ARHGEF37: variants seen among roughly 807,000 people sequenced by gnomAD.
ARHGEF37 encodes the protein Rho guanine nucleotide exchange factor 37.
Under a neutral mutation model 71.1 loss-of-function variants are expected in ARHGEF37, and 55 were observed. That is an observed-to-expected ratio of 0.77 (90% CI 0.62 to 0.97). ARHGEF37 has a LOEUF of 0.97. ARHGEF37 is among the 50% of genes least tolerant of loss of function. ARHGEF37 has a pLI of 0.00. For missense variants in ARHGEF37, 765 were observed against 836.8 expected, an observed-to-expected ratio of 0.91 and a Z score of 1.06; for synonymous variants, 327 against 350.6, an observed-to-expected ratio of 0.93 and a Z score of 0.75.
At position 149,632,378 on chromosome 5, in the gene ARHGEF37, A is replaced by T. The variant is rs1368923873; in HGVS notation, c.*187A>T. On this transcript the variant is annotated 3_prime_UTR_variant, in exon 13 of 13. Coordinates refer to ENST00000333677, the MANE Select transcript of ARHGEF37 (RefSeq NM_001001669.3). Reference sequence around the variant, plus strand: ...GCAGAGTGCTTGGTGTGGTGGGGGCACAGGAGGCTCCAGCCAGGACTGCTC... The same window carrying T: ...GCAGAGTGCTTGGTGTGGTGGGGGCTCAGGAGGCTCCAGCCAGGACTGCTC... 2 of 637,370 alleles carry T rather than the reference A, an allele frequency of 3.1e-6. No individual in the cohort carries two copies. Among genetic ancestry groups the T allele is most frequent in the East Asian group, 5.5e-5 (2 of 36,244 alleles). 39.5% of individuals were successfully genotyped at this position (637,370 alleles called of 1,614,324 possible). A position where few individuals can be genotyped will look rare whatever the true frequency, so the allele number is the denominator to read the frequency against.
chr5:149,591,541 G>C (rs1024367550), intron 1 of ARHGEF37, among the ~76,000 whole-genome samples: 1 of 152,132 alleles, frequency 6.6e-6, no homozygotes, highest in Non-Finnish European at 1.5e-5. Flanking sequence ...GAGACCATTT[G>C]CCTGGCTTCT....
intron 1 of ARHGEF37, among the ~76,000 whole-genome samples, chr5:149,594,398 G>A (rs868618331): frequency 1.3e-5 from 2 of 152,236 alleles, no homozygotes; most frequent in South Asian, 4.1e-4. Flanking sequence ...AGATCACGGG[G>A]TGTGTTTGGG....
Position 149,618,935 on chromosome 5 carries a change from C to G in ARHGEF37, c.790-3C>G. The G allele has an allele frequency of 6.2e-7, 1 of 1,611,934 alleles. No individual in the cohort carries two copies. The highest frequency in any genetic ancestry group is 8.5e-7 in the Non-Finnish European group (1 of 1,178,048). On this transcript the variant is annotated splice_polypyrimidine_tract_variant and splice_region_variant and intron_variant, in intron 6 of 12. Transcript: ENST00000333677. Reference sequence around the variant, plus strand: ...TCTCAACCCTCACACACATTACTTTCAGACAGAAGACAAGGAATTTGATGA... The same window carrying G: ...TCTCAACCCTCACACACATTACTTTGAGACAGAAGACAAGGAATTTGATGA...
upstream of ARHGEF37, among the ~76,000 whole-genome samples, chr5:149,580,830 G>A (rs1274735707): frequency 6.6e-6 from 1 of 152,196 alleles, no homozygotes; most frequent in Non-Finnish European, 1.5e-5. Flanking sequence ...CTACAAACAA[G>A]GTTTGGTTGC....
intron 11 of ARHGEF37, 141 bp from the exon 12 acceptor site, chr5:149,628,668 T>A: frequency 8.9e-7 from 1 of 1,128,872 alleles, no homozygotes; most frequent in Non-Finnish European, 1.2e-6. Flanking sequence ...GGCAGGGGGG[T>A]TCAGGGTTCC....
chr5:149,629,994 G>C (rs1752830894), intron 12 of ARHGEF37, among the ~76,000 whole-genome samples: 1 of 150,162 alleles, frequency 6.7e-6, no homozygotes. Flanking sequence ...CAAATCCGTA[G>C]AGATAGAAGG....
chr5:149,553,327 G>A (rs12188428), intron 1 of ARHGEF37, among the ~76,000 whole-genome samples: 20,370 of 152,034 alleles, frequency 0.13, 1,498 homozygotes, highest in Non-Finnish European at 0.17. Flanking sequence ...TTGAACCTGG[G>A]AGGCAGAGGT....
intron 1 of ARHGEF37, among the ~76,000 whole-genome samples, chr5:149,570,491 G>A (rs189641458): frequency 0.026 from 3,906 of 150,850 alleles, 192 homozygotes; most frequent in African/African-American, 0.091. Context: ...CAGGAGAATC[G>A]CTTGAACCCA....
upstream of ARHGEF37, among the ~76,000 whole-genome samples, chr5:149,577,997 G>A (rs748235410): frequency 6.6e-6 from 1 of 152,218 alleles, no homozygotes; most frequent in Non-Finnish European, 1.5e-5. Flanking sequence ...GTGATCTATG[G>A]CATCCAGTCC....
chr5:149,590,157 GC>G (rs1275212299), intron 1 of ARHGEF37, among the ~76,000 whole-genome samples: 1 of 151,874 alleles, frequency 6.6e-6, no homozygotes, highest in African/African-American at 2.4e-5. Context: ...ATGTGGGAAT[GC>G]CCAAATCCCT....
chr5:149,609,689 C>T lies in ARHGEF37; in HGVS notation c.452C>T (p.Ala151Val), dbSNP rs367808249. 260 of 1,612,288 alleles carry T rather than the reference C, an allele frequency of 1.6e-4. 5 individuals are homozygous for T. Among genetic ancestry groups the T allele is most frequent in the South Asian group, 1.3e-3 (122 of 90,992 alleles). The change falls in exon 4 of 13, where the codon GCG becomes GTG. Residue 151 changes from alanine (A) to valine (V), a missense_variant. This residue lies in a region of ARHGEF37 where 201 missense variants were observed against 217.5 expected (regional missense o/e 0.92). Coordinates refer to ENST00000333677, the MANE Select transcript of ARHGEF37 (RefSeq NM_001001669.3). ...CGGCACATCCAGGGCATCGTTGAGG[C>T]GGTGGTGTGAGTAGAACGGCCAGTG... ...LQRHIQGIVE[A>V]VVPQAGSSGL... is the part of the protein sequence containing the mutation.
At chr5:149,603,485 A>G (rs1256408334) in intron 3 of ARHGEF37, among the ~76,000 whole-genome samples, 1 of 152,188 alleles carries the variant, frequency 6.6e-6, no homozygotes, top group Non-Finnish European at 1.5e-5. Flanking sequence ...TAACTGCTAC[A>G]CTGAATTGCT....
In ARHGEF37 at chr5:149,628,297, G is replaced by C. The variant is rs77848381; in HGVS notation, c.1661-512G>C. On this transcript the variant is annotated intron_variant, in intron 11 of 12. Transcript: ENST00000333677. ...AGAGGTGATGTGAAGACTATGTAATGAAATGCTTGCTCTGTAGTTTGGCAC... is the reference window on the plus strand; with the variant it reads ...AGAGGTGATGTGAAGACTATGTAATCAAATGCTTGCTCTGTAGTTTGGCAC... Among the ~76,000 whole-genome samples the C allele has an allele frequency of 0.014, 2,180 of 152,314 alleles. 192 individuals carry two copies. In the East Asian group the frequency reaches 0.26, roughly 18 times the overall value.
rs896536208 is a variant in ARHGEF37, at chr5:149,633,656, G to A, written c.*1465G>A. 1 of 152,238 alleles carries A rather than the reference G, an allele frequency of 6.6e-6. No individual in the cohort carries two copies. Among genetic ancestry groups the A allele is most frequent in the Non-Finnish European group, 1.5e-5 (1 of 68,038 alleles). The allele number at this position is 152,238 out of a possible 1,614,324, so 9.4% of individuals were successfully genotyped here. ...GTGATCTTAACAACTGACAAAGTTT[G>A]TAACCAACCCAAGTTAGAATGTGTG... On this transcript the variant is annotated 3_prime_UTR_variant, in exon 13 of 13. Coordinates refer to ENST00000333677, the MANE Select transcript of ARHGEF37 (RefSeq NM_001001669.3).
At chr5:149,598,122 G>A (rs901746711) in intron 2 of ARHGEF37, among the ~76,000 whole-genome samples, 167 bp downstream of exon 2, 10 of 152,122 alleles carry the variant, frequency 6.6e-5, no homozygotes, top group African/African-American at 1.9e-4. Flanking sequence ...TTCCTTGGCC[G>A]TGCAACCTCC....
At chr5:149,560,078 A>G (rs907484289) in intron 1 of ARHGEF37, among the ~76,000 whole-genome samples, 1 of 152,206 alleles carries the variant, frequency 6.6e-6, no homozygotes, top group African/African-American at 2.4e-5. Context: ...CAGTGAGCCA[A>G]GTATGAGAAA....
At position 149,632,096 on chromosome 5, in the gene ARHGEF37, CT is replaced by C. The variant is rs1752901835; in HGVS notation, c.1934del (p.Leu645ArgfsTer4). ...CAAGAAGGGGAACCCTGAGTGGAGC[CT>C]GGTGGAAGTGAATGGACAGAGGGGT... The part of the protein sequence containing the change: ...QDKKGNPEWS[L>X]VEVNGQRGYV... On this transcript the variant is annotated frameshift_variant, in exon 13 of 13. Coordinates refer to ENST00000333677, the MANE Select transcript of ARHGEF37 (RefSeq NM_001001669.3). LOFTEE classifies it high-confidence loss of function. 1 of 1,614,226 alleles carries C rather than the reference CT, an allele frequency of 6.2e-7. No individual in the cohort carries two copies. The highest frequency in any genetic ancestry group is 1.7e-5 in the Admixed American group (1 of 60,020).
chr5:149,553,041 A>C (rs1170832644), intron 1 of ARHGEF37, among the ~76,000 whole-genome samples: 1 of 152,276 alleles, frequency 6.6e-6, no homozygotes, highest in East Asian at 1.9e-4. Context: ...ACTGTTAGAC[A>C]TCATTCTCCT....
intron 1 of ARHGEF37, among the ~76,000 whole-genome samples, chr5:149,594,590 A>G (rs1763494929): frequency 6.6e-6 from 1 of 152,238 alleles, no homozygotes; most frequent in Admixed American, 6.5e-5. Context: ...CCATTTATGT[A>G]GCAAATAGTA....
Sources: allele counts gnomAD v4.1 joint callset (sites outside exome capture counted in the v4.1 genomes callset), GRCh38; gene constraint gnomAD v4.1.1; regional missense constraint gnomAD v4.1.1; transcripts MANE v1.5; gene names NCBI Gene and HGNC (gene_info 2026-07-23, HGNC 2026-07-21).